ANK3: variants seen among roughly 807,000 people sequenced by gnomAD.
The protein encoded by ANK3 is ankyrin 3.
In ANK3, 57 loss-of-function variants were observed where a neutral mutation model predicts 370.9. The ratio of observed to expected loss-of-function variants is 0.15; its 90% CI spans 0.12 to 0.19. The LOEUF (loss-of-function observed/expected upper bound fraction) is 0.19, where lower values mean the gene tolerates loss of function less well. Ranked by LOEUF, ANK3 falls within the 10% of genes least tolerant of loss-of-function variation. ANK3 has a pLI of 1.00. For missense variants in ANK3, 4,439 were observed against 5,302.1 expected (o/e 0.84, Z 5.06); for synonymous variants, 1,929 against 1,946.3 (o/e 0.99, Z 0.23).
chr10:60,281,893 G>C (rs1256785556), intron 1 of ANK3, among the ~76,000 whole-genome samples: 2 of 152,046 alleles, frequency 1.3e-5, no homozygotes, highest in African/African-American at 4.8e-5. Context: ...CAGAGCAGAG[G>C]GTTAAGCAGA....
intron 16 of ANK3, among the ~76,000 whole-genome samples, chr10:60,193,459 C>G (rs1329345827): frequency 6.6e-6 from 1 of 151,934 alleles, no homozygotes; most frequent in African/African-American, 2.4e-5. Context: ...GAGTTCAAGA[C>G]CAGCTGGCCA....
At position 60,027,160 on chromosome 10, in the gene ANK3, CATT is replaced by C. The variant is rs1564474682; in HGVS notation, c.*2683_*2685del. 1 of 152,116 alleles carries C rather than the reference CATT, an allele frequency of 6.6e-6. No individual in the cohort carries two copies. Among genetic ancestry groups the C allele is most frequent in the African/African-American group, 2.4e-5 (1 of 41,498 alleles). 9.4% of individuals were successfully genotyped at this position (152,116 alleles called of 1,614,324 possible). The stretch of plus-strand genomic sequence containing the variant: ...ATTTAATACCTAAACAGGTATACAT[CATT>C]GAGTTTCTGGTTCAGGATAAACACC... On this transcript the variant is annotated 3_prime_UTR_variant, in exon 44 of 44. Coordinates refer to ENST00000280772, the MANE Select transcript of ANK3 (RefSeq NM_020987.5).
intron 2 of ANK3, among the ~76,000 whole-genome samples, chr10:60,490,454 C>T (rs756540130): frequency 1.3e-5 from 2 of 151,418 alleles, no homozygotes; most frequent in African/African-American, 4.9e-5. Context: ...TGTTGTCCTG[C>T]CTTCCTACTT....
intron 1 of ANK3, among the ~76,000 whole-genome samples, chr10:60,672,144 C>A (rs887786032): frequency 6.6e-6 from 1 of 152,352 alleles, no homozygotes; most frequent in South Asian, 2.1e-4. Context: ...TGGTCTCCAA[C>A]CCTGGTTTCT....
In ANK3 at chr10:60,382,656, A is replaced by G. The variant is rs536441400; in HGVS notation, c.114+6769T>C. ...TTTAACTCTTCTACTTTCAATTCAC[A>G]TAATATAAACTAGAACAACAATTTG... On this transcript the variant is annotated intron_variant, in intron 1 of 43. Transcript: ENST00000280772. Among the ~76,000 whole-genome samples, 7 of 152,206 alleles carry G rather than the reference A, an allele frequency of 4.6e-5. No homozygotes were observed. The East Asian group carries it at 1.2e-3, about 25-fold the overall frequency.
chr10:60,583,347 G>T (rs533458202), intron 2 of ANK3, among the ~76,000 whole-genome samples: 57 of 152,206 alleles, frequency 3.7e-4, no homozygotes, highest in African/African-American at 1.3e-3. Flanking sequence ...GGTTACCAGG[G>T]ATAGGGAAGA....
rs2083393738 is a variant in ANK3, at chr10:60,074,614, G to C, written c.6267C>G (p.Ser2089=). Residue 2089 remains serine (S), a synonymous_variant, in exon 37 of 44, where the codon TCC becomes TCG. Transcript: ENST00000280772. The part of the protein sequence containing the change: ...LKMPPASMRT[S]TSEKELCKMA... ...TTTTACACAATTCTTTCTCAGAGGT[G>C]GAAGTCCTCATGGAGGCTGGAGGCA... 6.2e-7 allele frequency: 1 copy of C among 1,614,014 alleles called. No individual in the cohort carries two copies. The highest frequency in any genetic ancestry group is 1.3e-5 in the African/African-American group (1 of 74,908).
At chr10:60,581,869 C>T (rs891615404) in intron 2 of ANK3, among the ~76,000 whole-genome samples, 1 of 151,894 alleles carries the variant, frequency 6.6e-6, no homozygotes, top group Non-Finnish European at 1.5e-5. Flanking sequence ...TTGGAACCAA[C>T]CCAAATGCCC....
At chr10:60,474,791 CTGTG>C (rs201861435) in intron 2 of ANK3, among the ~76,000 whole-genome samples, 1 of 151,116 alleles carries the variant, frequency 6.6e-6, no homozygotes, top group South Asian at 2.1e-4. Context: ...GCACACATCT[CTGTG>C]TGTGTGTGTG....
chr10:60,407,365 A>T (rs1252301180), intron 2 of ANK3, among the ~76,000 whole-genome samples: 4 of 152,206 alleles, frequency 2.6e-5, no homozygotes, highest in Non-Finnish European at 5.9e-5. Flanking sequence ...ATTATAATTT[A>T]TTCTCCTCTA....
intron 1 of ANK3, among the ~76,000 whole-genome samples, chr10:60,688,544 A>T (rs1769101397): frequency 6.6e-6 from 1 of 152,180 alleles, no homozygotes; most frequent in Admixed American, 6.5e-5. Flanking sequence ...GCTAGATTTT[A>T]TTTCTGTCAG....
intron 2 of ANK3, among the ~76,000 whole-genome samples, chr10:60,480,819 G>C (rs2075193291): frequency 6.6e-6 from 1 of 152,154 alleles, no homozygotes; most frequent in Non-Finnish European, 1.5e-5. Context: ...TGCAAACTCT[G>C]ATAGTAATGC....
intron 1 of ANK3, among the ~76,000 whole-genome samples, chr10:60,673,180 ACTCAAAAACATGTTTTTTTTTCTTTTT>A (rs1360827012): frequency 2.6e-5 from 4 of 152,096 alleles, no homozygotes; most frequent in African/African-American, 9.7e-5. Flanking sequence ...AACATGTTTT[ACTCAAAAACATGTTTTTTTTTCTTTTT>A]CATAGGCACA....
intron 7 of ANK3, among the ~76,000 whole-genome samples, chr10:60,250,217 C>T (rs897193175): frequency 5.6e-5 from 8 of 142,950 alleles, no homozygotes; most frequent in South Asian, 2.2e-4. Flanking sequence ...TCAGAAGAAT[C>T]ACCTGAGGAA....
intron 2 of ANK3, among the ~76,000 whole-genome samples, chr10:60,399,772 T>C (rs942355421): frequency 1.3e-5 from 2 of 152,178 alleles, no homozygotes; most frequent in African/African-American, 4.8e-5. Context: ...AATAATTTAA[T>C]GAAAAAATTT....
At chr10:60,515,810 C>G (rs952368990) in intron 2 of ANK3, among the ~76,000 whole-genome samples, 1 of 152,098 alleles carries the variant, frequency 6.6e-6, no homozygotes, top group Non-Finnish European at 1.5e-5. Flanking sequence ...AACTGACAAA[C>G]ATTAAAAGCT....
intron 1 of ANK3, among the ~76,000 whole-genome samples, chr10:60,675,688 A>G (rs978347254): frequency 6.6e-6 from 1 of 152,246 alleles, no homozygotes; most frequent in Admixed American, 6.5e-5. Context: ...ATCTACATAT[A>G]GGACAGAGCC....
At chr10:60,711,407 T>C (rs2079704843) in intron 1 of ANK3, among the ~76,000 whole-genome samples, 1 of 151,368 alleles carries the variant, frequency 6.6e-6, no homozygotes, top group Admixed American at 6.6e-5. Flanking sequence ...TAAATAAAAA[T>C]AAAAAACACT....
At chr10:60,259,495 A>G (rs1212432753) in intron 7 of ANK3, among the ~76,000 whole-genome samples, 1 of 152,258 alleles carries the variant, frequency 6.6e-6, no homozygotes, top group African/African-American at 2.4e-5. Flanking sequence ...TAAATCATAT[A>G]TGGTAACTCA....
Sources: gnomAD v4.1 joint callset for allele counts (sites outside exome capture counted in the v4.1 genomes callset) on GRCh38, gnomAD v4.1.1 for gene constraint, MANE v1.5 for transcripts, NCBI Gene and HGNC (gene_info 2026-07-23, HGNC 2026-07-21) for gene names.